Variants in MYO1E observed in about 807,000 individuals in gnomAD.
MYO1E encodes myosin IE.
A neutral mutation model predicts 151.1 loss-of-function variants in MYO1E; 68 were observed. The ratio of observed to expected loss-of-function variants is 0.45; its 90% confidence interval spans 0.37 to 0.55. The LOEUF is 0.55. MYO1E is among the 20% of genes least tolerant of loss of function. MYO1E has a pLI of 0.00. For missense variants in MYO1E, 1,363 were observed against 1,389.3 expected (o/e 0.98, Z 0.30); for synonymous variants, 601 against 501.7 (o/e 1.20, Z -2.64).
intron 1 of MYO1E, among the ~76,000 whole-genome samples, chr15:59,325,615 T>A (rs2080658738): frequency 6.6e-6 from 1 of 152,244 alleles, no homozygotes; most frequent in South Asian, 2.1e-4. Flanking sequence ...TGTTAGCTTT[T>A]TTCCATGAAG....
At chr15:59,245,517 T>A (rs1172209062) in intron 4 of MYO1E, among the ~76,000 whole-genome samples, 2 of 152,184 alleles carry the variant, frequency 1.3e-5, no homozygotes, top group Admixed American at 1.3e-4. Context: ...TTTATTTAGC[T>A]TCTATGCAGG....
chr15:59,345,614 T>C (rs1339059102), intron 1 of MYO1E, among the ~76,000 whole-genome samples: 1 of 152,248 alleles, frequency 6.6e-6, no homozygotes, highest in Non-Finnish European at 1.5e-5. Flanking sequence ...TAACTACTTT[T>C]ATACTTCCTG....
At chr15:59,341,807 A>G (rs2080767401) in intron 1 of MYO1E, among the ~76,000 whole-genome samples, 1 of 152,218 alleles carries the variant, frequency 6.6e-6, no homozygotes, top group Non-Finnish European at 1.5e-5. Flanking sequence ...TGCTATTGTG[A>G]ATAGTGCTAG....
At chr15:59,217,052 T>C (rs2079923227) in intron 10 of MYO1E, among the ~76,000 whole-genome samples, 1 of 152,100 alleles carries the variant, frequency 6.6e-6, no homozygotes, top group Admixed American at 6.5e-5. Context: ...CAATCCATCT[T>C]TCAGCCAGAT....
intron 15 of MYO1E, among the ~76,000 whole-genome samples, chr15:59,204,561 GTT>G (rs2079821126): frequency 6.6e-6 from 1 of 152,176 alleles, no homozygotes; most frequent in South Asian, 2.1e-4. Flanking sequence ...CATCTTATGT[GTT>G]ATCCAGGATC....
At chr15:59,201,098 T>C (rs908432120) in intron 16 of MYO1E, among the ~76,000 whole-genome samples, 2 of 148,138 alleles carry the variant, frequency 1.4e-5, no homozygotes, top group African/African-American at 4.9e-5. Context: ...TGTGACACAA[T>C]GACAAAAACT....
chr15:59,365,188 T>G (rs1321629439), intron 1 of MYO1E, among the ~76,000 whole-genome samples: 1 of 151,852 alleles, frequency 6.6e-6, no homozygotes, highest in African/African-American at 2.4e-5. Flanking sequence ...CTCGGCTAAT[T>G]TTTTATTTTT....
chr15:59,134,659 G>C lies in MYO1E; in HGVS notation c.*2721C>G, dbSNP rs2079362110. The stretch of plus-strand genomic sequence containing the variant: ...GTTACTTAAAACCTTTGGTTGAAGG[G>C]ATGTCACATTTTTATACTGTGTTTG... On this transcript the variant is annotated 3_prime_UTR_variant, in exon 28 of 28. Coordinates refer to ENST00000288235, the MANE Select transcript of MYO1E (RefSeq NM_004998.4). The C allele has an allele frequency of 6.6e-6, 1 of 152,234 alleles. No individual in the cohort carries two copies. Among genetic ancestry groups the C allele is most frequent in the Non-Finnish European group, 1.5e-5 (1 of 68,060 alleles). The allele number at this position is 152,234 out of a possible 1,614,324, so 9.4% of individuals were successfully genotyped here.
At chr15:59,183,309 A>C (rs1596355665) in intron 18 of MYO1E, among the ~76,000 whole-genome samples, 1 of 152,026 alleles carries the variant, frequency 6.6e-6, no homozygotes, top group East Asian at 1.9e-4. Context: ...CAAAAAACAA[A>C]CAAAAAAACC....
At chr15:59,290,078 G>T (rs767807506) in intron 1 of MYO1E, among the ~76,000 whole-genome samples, 115 of 152,174 alleles carry the variant, frequency 7.6e-4, no homozygotes, top group Non-Finnish European at 1.3e-3. Flanking sequence ...GGTTTCAAAA[G>T]AATTCTAGAA....
intron 10 of MYO1E, 38 bp from the exon 11 acceptor site, chr15:59,214,758 C>T: frequency 6.6e-7 from 1 of 1,522,234 alleles, no homozygotes. Flanking sequence ...AACTCCTTTC[C>T]ATTCATACTA....
At chr15:59,197,545 T>C (rs1365777692) in intron 16 of MYO1E, among the ~76,000 whole-genome samples, 3 of 152,232 alleles carry the variant, frequency 2.0e-5, no homozygotes, top group African/African-American at 7.2e-5. Flanking sequence ...TACTATTTAA[T>C]ATTATTCCTG....
intron 2 of MYO1E, chr15:59,264,861 A>C (rs1003273210): frequency 2.6e-5 from 4 of 152,168 alleles, no homozygotes; most frequent in African/African-American, 4.8e-5. Context: ...TCTCTACAAA[A>C]AATTTTTTTA....
chr15:59,207,290 G>C, intron 14 of MYO1E: 5 of 1,614,128 alleles, frequency 3.1e-6, no homozygotes, highest in Non-Finnish European at 4.2e-6. Context: ...CTTCAACATG[G>C]CAGCCCTTTC....
intron 1 of MYO1E, among the ~76,000 whole-genome samples, chr15:59,311,184 C>G (rs1001951504): frequency 3.3e-5 from 5 of 152,018 alleles, no homozygotes; most frequent in African/African-American, 9.7e-5. Flanking sequence ...CAGCAGTCTC[C>G]AACGTTTTTG....
chr15:59,180,379 G>A (rs1224484145), intron 18 of MYO1E, among the ~76,000 whole-genome samples: 1 of 152,176 alleles, frequency 6.6e-6, no homozygotes, highest in Non-Finnish European at 1.5e-5. Flanking sequence ...GTAGAAGTGA[G>A]AAGGAAAAGA....
At chr15:59,189,438 G>A (rs1023404732) in intron 17 of MYO1E, among the ~76,000 whole-genome samples, 1 of 149,702 alleles carries the variant, frequency 6.7e-6, no homozygotes, top group East Asian at 2.0e-4. Context: ...TCTTTCTTTC[G>A]AGACAGAGTC....
intron 4 of MYO1E, among the ~76,000 whole-genome samples, chr15:59,238,071 A>C (rs2080077523): frequency 6.6e-6 from 1 of 152,082 alleles, no homozygotes; most frequent in Non-Finnish European, 1.5e-5. Flanking sequence ...ACCAAACTGA[A>C]ATTTCGTAAG....
At chr15:59,284,644 T>C (rs1160436618) in intron 1 of MYO1E, among the ~76,000 whole-genome samples, 2 of 151,048 alleles carry the variant, frequency 1.3e-5, no homozygotes, top group East Asian at 3.9e-4. Context: ...AAAAAAAATT[T>C]TTTTTTTTTT....
Sources: gnomAD v4.1 joint callset for allele counts (sites outside exome capture counted in the v4.1 genomes callset) on GRCh38, gnomAD v4.1.1 for gene constraint, MANE v1.5 for transcripts, NCBI Gene and HGNC (gene_info 2026-07-23, HGNC 2026-07-21) for gene names.